TLK2: variants seen among roughly 807,000 people sequenced by gnomAD.
TLK2 encodes the protein serine/threonine-protein kinase tousled-like 2.
A neutral mutation model predicts 117.3 loss-of-function variants in TLK2; 6 were observed. The observed-to-expected ratio is 0.05, with a 90% CI of 0.03 to 0.10. The LOEUF is 0.10. TLK2 is among the 10% of genes least tolerant of loss of function. The pLI, the probability that TLK2 is intolerant of heterozygous loss-of-function variation, is 1.00. For missense variants in TLK2, 299 were observed against 901.2 expected (o/e 0.33, Z 8.56); for synonymous variants, 257 against 316.7 (o/e 0.81, Z 2.00).
chr17:62,524,100 T>G, intron 5 of TLK2, 136 bp from the exon 6 acceptor site: 2 of 519,960 alleles, frequency 3.8e-6, no homozygotes, highest in East Asian at 6.9e-5. Flanking sequence ...GTGTGGCATT[T>G]TCTCTCTAGA....
At chr17:62,572,136 C>T (rs1303670630) in intron 11 of TLK2, among the ~76,000 whole-genome samples, 1 of 148,174 alleles carries the variant, frequency 6.7e-6, no homozygotes, top group Admixed American at 6.8e-5. Context: ...GAGATCGTGC[C>T]ACTGCATCCC....
At chr17:62,566,665 A>G (rs1277635676) in intron 11 of TLK2, among the ~76,000 whole-genome samples, 1 of 152,244 alleles carries the variant, frequency 6.6e-6, no homozygotes, top group Non-Finnish European at 1.5e-5. Flanking sequence ...ACATGGAGGT[A>G]TGATACCTGT....
At chr17:62,601,559 A>C (rs1208996488) in intron 18 of TLK2, among the ~76,000 whole-genome samples, 1 of 152,314 alleles carries the variant, frequency 6.6e-6, no homozygotes, top group East Asian at 1.9e-4. Flanking sequence ...AAAGATGGCT[A>C]TTTTGTGAAT....
At chr17:62,592,193 A>T (rs1207835146) in intron 16 of TLK2, among the ~76,000 whole-genome samples, 1 of 152,002 alleles carries the variant, frequency 6.6e-6, no homozygotes, top group African/African-American at 2.4e-5. Flanking sequence ...TCCCGACCTC[A>T]GGTGATCTGC....
chr17:62,548,760 A>G (rs1482657231), intron 7 of TLK2, among the ~76,000 whole-genome samples: 3 of 150,092 alleles, frequency 2.0e-5, no homozygotes, highest in African/African-American at 7.4e-5. Flanking sequence ...TTTTTGAGAC[A>G]GAGTCTTGAT....
intron 7 of TLK2, among the ~76,000 whole-genome samples, chr17:62,545,826 C>G (rs982881398): frequency 6.6e-6 from 1 of 151,990 alleles, no homozygotes; most frequent in Admixed American, 6.6e-5. Flanking sequence ...CCTCAGCCTC[C>G]CCAAATAGCT....
intron 2 of TLK2, among the ~76,000 whole-genome samples, chr17:62,497,565 T>C (rs555051615): frequency 1.3e-5 from 2 of 152,340 alleles, no homozygotes; most frequent in South Asian, 4.1e-4. Flanking sequence ...AGCAGTACTT[T>C]ATTTCTCCAA....
intron 1 of TLK2, among the ~76,000 whole-genome samples, chr17:62,480,212 C>T (rs2071465642): frequency 6.6e-6 from 1 of 152,252 alleles, no homozygotes; most frequent in East Asian, 1.9e-4. Flanking sequence ...TCACACCAAC[C>T]ATTCCAACTA....
chr17:62,577,233 C>T (rs777774289), intron 13 of TLK2, among the ~76,000 whole-genome samples: 28 of 152,028 alleles, frequency 1.8e-4, no homozygotes, highest in South Asian at 1.2e-3. Context: ...GCTGGGATTA[C>T]GGGTTACAGG....
intron 6 of TLK2, 61 bp from the exon 7 acceptor site, chr17:62,536,109 G>A (rs2077096881): frequency 1.3e-6 from 2 of 1,561,732 alleles, no homozygotes; most frequent in Non-Finnish European, 8.7e-7. Flanking sequence ...CCCGTTGCAT[G>A]TTTGGGCAGT....
At chr17:62,476,820 G>A (rs763604830), upstream of TLK2, among the ~76,000 whole-genome samples, 9 of 151,804 alleles carry the variant, frequency 5.9e-5, no homozygotes, top group African/African-American at 1.2e-4. Context: ...GGTGGCTAAC[G>A]CTTGAAATCC....
rs144484920 is a variant in TLK2 at position 62,597,509 on chromosome 17, C to A, written c.1550+835C>A. On this transcript the variant is annotated intron_variant, in intron 17 of 21. Coordinates refer to ENST00000346027, the MANE Select transcript of TLK2 (RefSeq NM_006852.6). ...CGTGCACTAGTGAGTGTAGACTGTTCAAGAGAGTTTCTGCTCACCCCAGAG... is the reference window on the plus strand; with the variant it reads ...CGTGCACTAGTGAGTGTAGACTGTTAAAGAGAGTTTCTGCTCACCCCAGAG... Among the ~76,000 whole-genome samples the A allele has an allele frequency of 2.9e-4, 44 of 152,238 alleles. No homozygotes were observed. In the East Asian group the frequency reaches 7.5e-3, roughly 26 times the overall value.
intron 2 of TLK2, among the ~76,000 whole-genome samples, chr17:62,520,133 C>G (rs1331625149): frequency 6.6e-6 from 1 of 152,182 alleles, no homozygotes; most frequent in Non-Finnish European, 1.5e-5. Context: ...TGGGGCAGGT[C>G]AGCAGCCTGG....
At chr17:62,542,449 T>C (rs1168613122) in intron 7 of TLK2, among the ~76,000 whole-genome samples, 1 of 152,236 alleles carries the variant, frequency 6.6e-6, no homozygotes, top group Non-Finnish European at 1.5e-5. Flanking sequence ...CTCCTCGTTA[T>C]GAAAGACAAA....
intron 2 of TLK2, among the ~76,000 whole-genome samples, chr17:62,484,655 TGGG>T (rs1409624952): frequency 6.6e-6 from 1 of 152,138 alleles, no homozygotes; most frequent in East Asian, 1.9e-4. Context: ...TGATTTGAAA[TGGG>T]GGTGTGGAGG....
At chr17:62,512,084 A>G (rs2075190002) in intron 2 of TLK2, among the ~76,000 whole-genome samples, 1 of 151,754 alleles carries the variant, frequency 6.6e-6, no homozygotes, top group African/African-American at 2.4e-5. Flanking sequence ...CGTTGTTGCT[A>G]TTTTTTATTT....
intron 2 of TLK2, among the ~76,000 whole-genome samples, chr17:62,507,094 GT>G (rs1439921057): frequency 2.6e-5 from 4 of 152,010 alleles, no homozygotes; most frequent in African/African-American, 9.7e-5. Flanking sequence ...TATTTACAGT[GT>G]TTTGTCACTT....
chr17:62,590,843 A>G (rs2082023505), intron 16 of TLK2, among the ~76,000 whole-genome samples: 2 of 152,216 alleles, frequency 1.3e-5, no homozygotes, highest in South Asian at 4.1e-4. Context: ...TAAAATAAAA[A>G]CGTACATACT....
chr17:62,515,336 G>A (rs2075494228), intron 2 of TLK2, among the ~76,000 whole-genome samples: 1 of 152,186 alleles, frequency 6.6e-6, no homozygotes, highest in South Asian at 2.1e-4. Flanking sequence ...ACTCTTTTGA[G>A]TATATTCCCA....
Sources: gnomAD v4.1 joint callset for allele counts (sites outside exome capture counted in the v4.1 genomes callset) on GRCh38, gnomAD v4.1.1 for gene constraint, MANE v1.5 for transcripts, NCBI Gene and HGNC (gene_info 2026-07-23, HGNC 2026-07-21) for gene names.